The following BICRAL variants were observed in gnomAD, a reference collection of about 807,000 sequenced individuals.
BICRAL encodes BICRA like chromatin remodeling complex associated protein.
In BICRAL, 8 loss-of-function variants were observed where a neutral mutation model predicts 91.8. The ratio of observed to expected loss-of-function variants is 0.09; its 90% CI spans 0.05 to 0.16. The LOEUF (loss-of-function observed/expected upper bound fraction) is 0.16. Ranked by LOEUF, BICRAL falls within the 10% of genes least tolerant of loss-of-function variation. The pLI, the probability that BICRAL is intolerant of heterozygous loss-of-function variation, is 1.00. For missense variants in BICRAL, 1,038 were observed against 1,310.9 expected (o/e 0.79, Z 3.21); for synonymous variants, 445 against 491.1 (o/e 0.91, Z 1.24).
upstream of BICRAL, chr6:42,781,827 A>AT (rs1345174402): frequency 1.3e-5 from 2 of 149,034 alleles, no homozygotes; most frequent in Non-Finnish European, 3.0e-5. Flanking sequence ...TAATCTCCAC[A>AT]TTTTTTGCCA....
chr6:42,863,964 G>A (rs1765631266), intron 12 of BICRAL, among the ~76,000 whole-genome samples: 1 of 152,104 alleles, frequency 6.6e-6, no homozygotes, highest in African/African-American at 2.4e-5. Context: ...AGGAGTTCGA[G>A]ACCATCCTGA....
intron 1 of BICRAL, among the ~76,000 whole-genome samples, chr6:42,767,120 C>G (rs2113838888): frequency 6.6e-6 from 1 of 151,536 alleles, no homozygotes; most frequent in East Asian, 1.9e-4. Flanking sequence ...CCACTGCACT[C>G]CAGCCTGGGC....
chr6:42,822,203 A>G, intron 3 of BICRAL, 140 bp downstream of exon 3: 1 of 566,072 alleles, frequency 1.8e-6, no homozygotes, highest in Non-Finnish European at 3.2e-6. Context: ...AGAGAAACAG[A>G]GACATGATTA....
chr6:42,823,215 TC>T (rs1230897272), intron 5 of BICRAL, among the ~76,000 whole-genome samples: 2 of 152,108 alleles, frequency 1.3e-5, no homozygotes, highest in Non-Finnish European at 2.9e-5. Context: ...AGCCTTGACC[TC>T]CCAGGCTGAA....
intron 1 of BICRAL, among the ~76,000 whole-genome samples, chr6:42,808,265 G>A (rs1006219669): frequency 1.4e-4 from 22 of 152,022 alleles, no homozygotes; most frequent in African/African-American, 5.3e-4. Flanking sequence ...CCGAGTAGCT[G>A]GGACTATGGG....
chr6:42,782,950 C>A (rs1188005674), intron 1 of BICRAL, among the ~76,000 whole-genome samples: 1 of 135,452 alleles, frequency 7.4e-6, no homozygotes, highest in Non-Finnish European at 1.6e-5. Context: ...TCTTTCTTCT[C>A]GGCAAAATGG....
chr6:42,800,434 G>T (rs1169338290), intron 1 of BICRAL, among the ~76,000 whole-genome samples: 1 of 152,156 alleles, frequency 6.6e-6, no homozygotes, highest in Non-Finnish European at 1.5e-5. Flanking sequence ...AAAGTGCTGG[G>T]ATTACAGGGC....
At chr6:42,832,578 CGTGTGTGTGT>C (rs59693040) in intron 6 of BICRAL, among the ~76,000 whole-genome samples, 7 of 142,678 alleles carry the variant, frequency 4.9e-5, no homozygotes, top group South Asian at 4.5e-4. Flanking sequence ...ATCAAAGGGG[CGTGTGTGTGT>C]GTGTGTGTGT....
chr6:42,756,166 C>G (rs545581118), intron 1 of BICRAL, among the ~76,000 whole-genome samples: 8 of 152,214 alleles, frequency 5.3e-5, no homozygotes, highest in Non-Finnish European at 1.2e-4. Context: ...TCTCAATCGT[C>G]ATTCCCTCCT....
chr6:42,777,781 C>CT (rs537951229), upstream of BICRAL, among the ~76,000 whole-genome samples: 754 of 151,352 alleles, frequency 5.0e-3, 5 homozygotes, highest in Middle Eastern at 0.01. Flanking sequence ...TTTCCATCCT[C>CT]TTTTTTTTTA....
Position 42,830,035 on chromosome 6 carries a change from G to A in BICRAL, c.1702G>A (p.Gly568Arg). The change falls in exon 6 of 13, where the codon GGA becomes AGA. Residue 568 changes from glycine to arginine, a missense_variant. Coordinates refer to ENST00000314073, the MANE Select transcript of BICRAL (RefSeq NM_001393499.1). ...QSGSSGSNFT[G>R]DQLTQPNRTP... ...TGGTTCATCAGGATCAAACTTTACA[G>A]GAGATCAGCTGACCCAGCCAAACAG... is the stretch of plus-strand genomic sequence containing the variant. 6.2e-7 allele frequency: 1 copy of A among 1,614,076 alleles called. No individual in the cohort carries two copies. Among genetic ancestry groups the A allele is most frequent in the East Asian group, 2.2e-5 (1 of 44,870 alleles).
At chr6:42,763,522 T>C (rs917820131) in intron 1 of BICRAL, among the ~76,000 whole-genome samples, 2 of 152,322 alleles carry the variant, frequency 1.3e-5, no homozygotes, top group South Asian at 2.1e-4. Context: ...CTTGAAATAC[T>C]ACAAACCAGT....
intron 2 of BICRAL, among the ~76,000 whole-genome samples, chr6:42,819,855 G>A (rs1764093020): frequency 6.6e-6 from 1 of 152,148 alleles, no homozygotes; most frequent in Admixed American, 6.6e-5. Flanking sequence ...GTACCTACTG[G>A]GACCAGAGGA....
At position 42,764,256 on chromosome 6, in the gene BICRAL, C is replaced by A. The variant is rs1176215884; in HGVS notation, c.-261+17233C>A. 4.6e-4 allele frequency among the ~76,000 whole-genome samples: 60 copies of A among 131,004 alleles called. No individual in the cohort carries two copies. The East Asian group carries it at 8.3e-3, about 18-fold the overall frequency. The allele number at this position is 131,004 out of a possible 152,430, so 85.9% of individuals were successfully genotyped here. ...GACTTTGTTTCCGAAAAAAAAAAAA[C>A]AAAAATGTCTGTCGGGCACAGTGGC... is the stretch of plus-strand genomic sequence containing the variant. On this transcript the variant is annotated intron_variant, in intron 1 of 14. Transcript: ENST00000614467.
At chr6:42,766,027 T>C (rs929147919) in intron 1 of BICRAL, among the ~76,000 whole-genome samples, 8 of 152,186 alleles carry the variant, frequency 5.3e-5, no homozygotes, top group Non-Finnish European at 1.2e-4. Flanking sequence ...CTAATTTTTG[T>C]ATTTCTGGTA....
chr6:42,771,569 A>G (rs930014165), intron 1 of BICRAL, among the ~76,000 whole-genome samples: 1 of 152,108 alleles, frequency 6.6e-6, no homozygotes, highest in African/African-American at 2.4e-5. Context: ...GCTTGCAAGT[A>G]TCTAAGTAAG....
chr6:42,855,002 A>T (rs1231161122), intron 8 of BICRAL, among the ~76,000 whole-genome samples: 4 of 152,146 alleles, frequency 2.6e-5, no homozygotes, highest in African/African-American at 9.7e-5. Flanking sequence ...AGACCTACCA[A>T]TTAGTGGTTG....
chr6:42,857,637 T>TATATATATATATATATA (rs1554283197), intron 10 of BICRAL, among the ~76,000 whole-genome samples: 13 of 94,168 alleles, frequency 1.4e-4, no homozygotes, highest in African/African-American at 8.8e-4. Flanking sequence ...ATATATATAT[T>TATATATATATATATATA]TTTTAGGAGG....
chr6:42,779,341 A>G (rs949221932), upstream of BICRAL, among the ~76,000 whole-genome samples: 6 of 152,086 alleles, frequency 3.9e-5, no homozygotes, highest in Admixed American at 3.3e-4. Flanking sequence ...AATGCATAAT[A>G]TATGGACTCT....
Sources: gnomAD v4.1 joint callset for allele counts (sites outside exome capture counted in the v4.1 genomes callset) on GRCh38, gnomAD v4.1.1 for gene constraint, MANE v1.5 for transcripts, NCBI Gene and HGNC (gene_info 2026-07-23, HGNC 2026-07-21) for gene names.